Variants in ITFG1 observed in about 807,000 individuals in gnomAD.
ITFG1 encodes the protein integrin alpha FG-GAP repeat containing 1.
In ITFG1, 34 loss-of-function variants were observed where a neutral mutation model predicts 81.8. That is an observed-to-expected ratio of 0.42 (90% CI 0.32 to 0.55). ITFG1 has a LOEUF of 0.55. Ranked by LOEUF, ITFG1 falls within the 20% of genes least tolerant of loss-of-function variation. The probability of loss-of-function intolerance (pLI) is 0.17; values close to 1 mark genes in which losing one functional copy is unlikely to be tolerated. For synonymous variants in ITFG1, 285 were observed against 270.6 expected (o/e 1.05, Z -0.52); for missense variants, 672 against 755.4 (o/e 0.89, Z 1.29).
intron 9 of ITFG1, chr16:47,312,852 A>C (rs899967861): frequency 1.3e-5 from 2 of 152,224 alleles, no homozygotes; most frequent in Non-Finnish European, 2.9e-5. Context: ...ATGACTGTAT[A>C]ATTTGAAAAT....
At chr16:47,356,952 A>T (rs1182838702) in intron 8 of ITFG1, among the ~76,000 whole-genome samples, 1 of 152,094 alleles carries the variant, frequency 6.6e-6, no homozygotes, top group African/African-American at 2.4e-5. Context: ...AAATCTCACC[A>T]TCTTTTGGTC....
At chr16:47,260,032 G>A (rs527861704) in intron 11 of ITFG1, among the ~76,000 whole-genome samples, 12 of 151,006 alleles carry the variant, frequency 7.9e-5, no homozygotes, top group African/African-American at 2.9e-4. Flanking sequence ...TCTGCCTCCC[G>A]GGTTCACGCC....
chr16:47,421,651 G>A (rs993091861), intron 6 of ITFG1, among the ~76,000 whole-genome samples: 2 of 151,904 alleles, frequency 1.3e-5, no homozygotes, highest in African/African-American at 4.8e-5. Context: ...TTACAATCAA[G>A]GTTATATTTG....
At chr16:47,224,312 CA>C (rs1363791132) in intron 13 of ITFG1, among the ~76,000 whole-genome samples, 1 of 152,112 alleles carries the variant, frequency 6.6e-6, no homozygotes, top group Non-Finnish European at 1.5e-5. Flanking sequence ...AGAGGTTGAC[CA>C]AATCTTAAAA....
intron 10 of ITFG1, among the ~76,000 whole-genome samples, chr16:47,303,432 T>C (rs1381963252): frequency 6.6e-6 from 1 of 152,186 alleles, no homozygotes; most frequent in African/African-American, 2.4e-5. Flanking sequence ...TTATGAGCTT[T>C]AAAAACTCAC....
Position 47,154,523 on chromosome 16 carries a change from A to G in ITFG1, c.*1196T>C, listed in dbSNP as rs560170012. 2 of 152,370 alleles carry G rather than the reference A, an allele frequency of 1.3e-5. No individual in the cohort carries two copies. The highest frequency in any genetic ancestry group is 4.8e-5 in the African/African-American group (2 of 41,592). 9.4% of individuals were successfully genotyped at this position (152,370 alleles called of 1,614,324 possible). On this transcript the variant is annotated 3_prime_UTR_variant, in exon 18 of 18. Coordinates refer to ENST00000320640, the MANE Select transcript of ITFG1 (RefSeq NM_030790.5). ...GTTTTCAGAGAAATTTTTGTGTTTT[A>G]TAGGCATCACATGTCCATTTGCATA...
intron 6 of ITFG1, among the ~76,000 whole-genome samples, chr16:47,376,952 ACT>A (rs1968332808): frequency 1.7e-5 from 2 of 117,202 alleles, no homozygotes; most frequent in Admixed American, 1.1e-4. Context: ...ACAGAGGGAG[ACT>A]CTGTCTCCCC....
chr16:47,220,648 G>A (rs1965680133), intron 13 of ITFG1, among the ~76,000 whole-genome samples: 1 of 152,164 alleles, frequency 6.6e-6, no homozygotes, highest in African/African-American at 2.4e-5. Context: ...ACAATAAAAT[G>A]TGTTAACATG....
At chr16:47,337,951 T>C (rs1967729869) in intron 8 of ITFG1, among the ~76,000 whole-genome samples, 1 of 152,258 alleles carries the variant, frequency 6.6e-6, no homozygotes, top group East Asian at 1.9e-4. Context: ...GCTGTTTGTT[T>C]TATTTCTTGG....
rs1256911251 is a variant in ITFG1 at position 47,155,144 on chromosome 16, A to G, written c.*575T>C. On this transcript the variant is annotated 3_prime_UTR_variant, in exon 18 of 18. Transcript: ENST00000320640. ...AAACTGAGGTTTACAGAGGTTAAAC[A>G]AGAGCCAAGTTCAAACAATGACTTT... 4 of 152,274 alleles carry G rather than the reference A, an allele frequency of 2.6e-5. No individual in the cohort carries two copies. Among genetic ancestry groups the G allele is most frequent in the Non-Finnish European group, 4.4e-5 (3 of 68,074 alleles). 9.4% of individuals were successfully genotyped at this position (152,274 alleles called of 1,614,324 possible). A position where few individuals can be genotyped will look rare whatever the true frequency, so the allele number is the denominator to read the frequency against.
intron 6 of ITFG1, among the ~76,000 whole-genome samples, chr16:47,415,550 A>G (rs1318828369): frequency 6.6e-6 from 1 of 152,226 alleles, no homozygotes; most frequent in East Asian, 1.9e-4. Context: ...CAAAGCAGAG[A>G]ATTTAGGAAA....
chr16:47,205,522 C>T (rs1333439531), intron 14 of ITFG1, among the ~76,000 whole-genome samples: 1 of 152,136 alleles, frequency 6.6e-6, no homozygotes, highest in African/African-American at 2.4e-5. Context: ...CATAATCAGC[C>T]TGGGAGAGGA....
At chr16:47,418,056 G>T (rs909552672) in intron 6 of ITFG1, among the ~76,000 whole-genome samples, 9 of 150,642 alleles carry the variant, frequency 6.0e-5, no homozygotes, top group East Asian at 1.9e-4. Flanking sequence ...TTTTTTTTTT[G>T]ATCTTTTTGA....
chr16:47,199,985 GGAGCT>G (rs1965406061), intron 14 of ITFG1, among the ~76,000 whole-genome samples: 2 of 134,184 alleles, frequency 1.5e-5, no homozygotes, highest in African/African-American at 6.3e-5. Flanking sequence ...GACAGGAGGT[GGAGCT>G]CAGGCCATAA....
chr16:47,298,306 T>C (rs1001835834), intron 10 of ITFG1, among the ~76,000 whole-genome samples: 2 of 152,312 alleles, frequency 1.3e-5, no homozygotes, highest in Middle Eastern at 3.4e-3. Context: ...TTTAAATTGG[T>C]ATTTTGATTA....
chr16:47,298,553 G>A (rs1167832883), intron 10 of ITFG1, among the ~76,000 whole-genome samples: 1 of 152,014 alleles, frequency 6.6e-6, no homozygotes, highest in Non-Finnish European at 1.5e-5. Context: ...ATGTTCAGTA[G>A]CAAAGACTCT....
intron 1 of ITFG1, among the ~76,000 whole-genome samples, chr16:47,460,375 A>C (rs1412592419): frequency 2.6e-5 from 4 of 152,212 alleles, no homozygotes; most frequent in Non-Finnish European, 5.9e-5. Flanking sequence ...AGGCAAGAAG[A>C]AGCCCCCTAT....
chr16:47,297,967 G>C (rs76512319), intron 10 of ITFG1, among the ~76,000 whole-genome samples: 1,779 of 152,082 alleles, frequency 0.012, 16 homozygotes, highest in South Asian at 0.018. Context: ...AAATACCAAG[G>C]ATTCATAAGT....
At chr16:47,333,126 G>T (rs992643161) in intron 8 of ITFG1, among the ~76,000 whole-genome samples, 4 of 152,034 alleles carry the variant, frequency 2.6e-5, no homozygotes. Context: ...TGGGATGGAA[G>T]AAGGAAATTG....
Sources: gnomAD v4.1 joint callset for allele counts (sites outside exome capture counted in the v4.1 genomes callset) on GRCh38, gnomAD v4.1.1 for gene constraint, MANE v1.5 for transcripts, NCBI Gene and HGNC (gene_info 2026-07-23, HGNC 2026-07-21) for gene names.